Variants in RGL1 observed in about 807,000 individuals in gnomAD.
The protein encoded by RGL1 is ral guanine nucleotide dissociation stimulator-like 1.
A neutral mutation model predicts 95.2 loss-of-function variants in RGL1; 24 were observed. The ratio of observed to expected loss-of-function variants is 0.25; its 90% CI spans 0.18 to 0.35. RGL1 has a LOEUF of 0.35. RGL1 is among the 10% of genes least tolerant of loss of function. The pLI, the probability that RGL1 is intolerant of heterozygous loss-of-function variation, is 1.00. For missense variants in RGL1, 715 were observed against 936.3 expected (o/e 0.76, Z 3.08); for synonymous variants, 329 against 344.9 (o/e 0.95, Z 0.51).
intron 1 of RGL1, among the ~76,000 whole-genome samples, chr1:183,717,107 A>G (rs1333211209): frequency 6.6e-6 from 1 of 152,218 alleles, no homozygotes; most frequent in Non-Finnish European, 1.5e-5. Context: ...TAGGTGTTAC[A>G]GCCAGCATTT....
At chr1:183,801,359 T>C (rs1660984562), upstream of RGL1, among the ~76,000 whole-genome samples, 1 of 152,192 alleles carries the variant, frequency 6.6e-6, no homozygotes, top group African/African-American at 2.4e-5. Context: ...TTTTTTTCTA[T>C]TCAGTTGTAG....
At chr1:183,713,380 C>CCCG (rs1553273643) in intron 1 of RGL1, among the ~76,000 whole-genome samples, 2 of 131,604 alleles carry the variant, frequency 1.5e-5, no homozygotes, top group Non-Finnish European at 3.2e-5. Flanking sequence ...AGAGGCACCC[C>CCCG]CCCCCCCCGC....
chr1:183,848,143 G>A (rs1370467030), intron 3 of RGL1, among the ~76,000 whole-genome samples: 2 of 152,162 alleles, frequency 1.3e-5, no homozygotes, highest in Non-Finnish European at 2.9e-5. Flanking sequence ...GGGATGAAAT[G>A]TGCTAATATG....
intron 2 of RGL1, among the ~76,000 whole-genome samples, chr1:183,836,927 T>C (rs1030453262): frequency 2.0e-5 from 3 of 152,210 alleles, no homozygotes; most frequent in African/African-American, 4.8e-5. Flanking sequence ...AATTTTATTG[T>C]CATTTTGGAT....
At position 183,701,988 on chromosome 1, in the gene RGL1, T is replaced by A. The variant is rs527246972; in HGVS notation, c.-32-40138T>A. Among the ~76,000 whole-genome samples, 62 of 152,294 alleles carry A rather than the reference T, an allele frequency of 4.1e-4. 1 individual carries two copies. The South Asian group carries it at 0.011, about 26-fold the overall frequency. ...TATTGTTTTTTGCATAATGTCTTTA[T>A]TTTGCAGAAAATGCTTTCTGCTTAT... On this transcript the variant is annotated intron_variant, in intron 1 of 18. Coordinates refer to the RGL1 transcript ENST00000304685.
intron 1 of RGL1, among the ~76,000 whole-genome samples, chr1:183,681,511 C>T (rs1653211174): frequency 6.6e-6 from 1 of 152,160 alleles, no homozygotes. Flanking sequence ...AGCCTTGCAT[C>T]CCAGGGATGA....
At chr1:183,639,011 G>A (rs12038369) in intron 1 of RGL1, among the ~76,000 whole-genome samples, 10,449 of 152,248 alleles carry the variant, frequency 0.069, 627 homozygotes, top group African/African-American at 0.16. Flanking sequence ...TGGGCGTGGT[G>A]GCTCATGCCT....
At chr1:183,812,908 A>G (rs1337110842) in intron 2 of RGL1, among the ~76,000 whole-genome samples, 4 of 152,206 alleles carry the variant, frequency 2.6e-5, no homozygotes, top group Admixed American at 6.5e-5. Flanking sequence ...CTGGAGAGAA[A>G]GGCATGAGTC....
chr1:183,714,774 C>G (rs1188645279), intron 1 of RGL1, among the ~76,000 whole-genome samples: 4 of 152,100 alleles, frequency 2.6e-5, no homozygotes, highest in Non-Finnish European at 4.4e-5. Flanking sequence ...TAGATGTTAA[C>G]AGATATTTGC....
rs377433794 is a variant in RGL1, at chr1:183,742,728, G to T, written c.132+439G>T. Among the ~76,000 whole-genome samples the T allele has an allele frequency of 3.2e-4, 49 of 152,206 alleles. No individual in the cohort carries two copies. The East Asian group carries it at 9.1e-3, about 28-fold the overall frequency. On this transcript the variant is annotated intron_variant, in intron 2 of 18. Coordinates refer to the RGL1 transcript ENST00000304685. ...ATTTGTGGGGGGTGTGTGTGTGAGA[G>T]AGAGAAAGAGAGAGAGGGGACGGGG...
Position 183,916,618 on chromosome 1 carries a change from G to C in RGL1, c.1921G>C (p.Val641Leu), listed in dbSNP as rs1668994900. 1.9e-6 allele frequency: 3 copies of C among 1,613,616 alleles called. No homozygotes were observed. The highest frequency in any genetic ancestry group is 1.7e-6 in the Non-Finnish European group (2 of 1,179,962). Reference sequence around the variant, plus strand: ...CATTACCTCGACTGTGCTGCCTCCTGTTTACAACCAACAGAATGAAGACAC... The same window carrying C: ...CATTACCTCGACTGTGCTGCCTCCTCTTTACAACCAACAGAATGAAGACAC... ...TSITSTVLPP[V>L]YNQQNEDTCI... Residue 641 changes from valine to leucine, a missense_variant, in exon 16 of 18, where the codon GTT becomes CTT. By Grantham distance (32) the Val-to-Leu change is conservative. Coordinates refer to ENST00000360851, the MANE Select transcript of RGL1 (RefSeq NM_001297671.3).
intron 1 of RGL1, among the ~76,000 whole-genome samples, chr1:183,736,117 G>A (rs552784138): frequency 3.9e-5 from 6 of 152,130 alleles, no homozygotes; most frequent in Non-Finnish European, 5.9e-5. Flanking sequence ...TCAAAACCCC[G>A]ATATTATATA....
intron 4 of RGL1, among the ~76,000 whole-genome samples, 173 bp downstream of exon 4, chr1:183,866,246 A>G (rs1378845342): frequency 6.6e-6 from 1 of 152,234 alleles, no homozygotes; most frequent in Non-Finnish European, 1.5e-5. Flanking sequence ...CAGTGAAAGT[A>G]TCTTAAGTAA....
At chr1:183,810,404 C>T (rs1218163094) in intron 2 of RGL1, among the ~76,000 whole-genome samples, 5 of 152,174 alleles carry the variant, frequency 3.3e-5, no homozygotes, top group African/African-American at 4.8e-5. Context: ...GTCATGCAGT[C>T]CTTGTGGTGG....
intron 2 of RGL1, among the ~76,000 whole-genome samples, chr1:183,844,949 A>G (rs1664317947): frequency 6.6e-6 from 1 of 152,242 alleles, no homozygotes; most frequent in South Asian, 2.1e-4. Context: ...ACATTAAGCT[A>G]TTCTAACCCC....
intron 5 of RGL1, among the ~76,000 whole-genome samples, chr1:183,882,912 C>T (rs1167987282): frequency 6.6e-6 from 1 of 152,146 alleles, no homozygotes; most frequent in Non-Finnish European, 1.5e-5. Flanking sequence ...TAAGATATAA[C>T]TGAATGTAAC....
At chr1:183,925,563 C>T (rs1669568781) in intron 17 of RGL1, among the ~76,000 whole-genome samples, 1 of 152,142 alleles carries the variant, frequency 6.6e-6, no homozygotes, top group African/African-American at 2.4e-5. Flanking sequence ...AAAAAATATA[C>T]ATACTTTCCT....
chr1:183,697,519 G>T (rs192003293), intron 1 of RGL1, among the ~76,000 whole-genome samples: 1 of 152,106 alleles, frequency 6.6e-6, no homozygotes, highest in African/African-American at 2.4e-5. Flanking sequence ...CATGGTGAGC[G>T]TTTAATTTGA....
chr1:183,711,179 A>G (rs1655239914), intron 1 of RGL1, among the ~76,000 whole-genome samples: 1 of 152,088 alleles, frequency 6.6e-6, no homozygotes, highest in Admixed American at 6.5e-5. Flanking sequence ...ATCCTGGGCA[A>G]CTCACATCGT....
Sources: gnomAD v4.1 joint callset for allele counts (sites outside exome capture counted in the v4.1 genomes callset) on GRCh38, gnomAD v4.1.1 for gene constraint, MANE v1.5 for transcripts, NCBI Gene and HGNC (gene_info 2026-07-23, HGNC 2026-07-21) for gene names.